Variants in SLC24A2 observed in about 807,000 individuals in gnomAD.
SLC24A2 encodes the protein solute carrier family 24 member 2, also known as sodium/potassium/calcium exchanger 2.
A neutral mutation model predicts 62.0 loss-of-function variants in SLC24A2; 36 were observed. The ratio of observed to expected loss-of-function variants is 0.58; its 90% CI spans 0.44 to 0.77. SLC24A2 has a LOEUF of 0.77. SLC24A2 is among the 30% of genes least tolerant of loss of function. The pLI, the probability that SLC24A2 is intolerant of heterozygous loss-of-function variation, is 0.00. For synonymous variants in SLC24A2, 358 were observed against 294.0 expected, an observed-to-expected ratio of 1.22 and a Z score of -2.23; for missense variants, 846 against 817.9, an observed-to-expected ratio of 1.03 and a Z score of -0.42.
At chr9:19,726,548 T>C (rs1189402027) in intron 2 of SLC24A2, among the ~76,000 whole-genome samples, 1 of 152,222 alleles carries the variant, frequency 6.6e-6, no homozygotes, top group East Asian at 1.9e-4. Flanking sequence ...GATTGGCTCC[T>C]GGAGACCTCA....
At chr9:19,957,569 C>T in the SLC24A2 span, 1 of 152,768 alleles carries the variant, frequency 6.5e-6, no homozygotes, top group Admixed American at 6.5e-5. Flanking sequence ...GCCCAGGTGA[C>T]AAAGCCTCCT....
the SLC24A2 span, among the ~76,000 whole-genome samples, chr9:19,799,516 G>A: frequency 6.6e-6 from 1 of 152,100 alleles, no homozygotes; most frequent in African/African-American, 2.4e-5. Flanking sequence ...GAGAGGAATG[G>A]GAGGTAAGGA....
the SLC24A2 span, among the ~76,000 whole-genome samples, chr9:20,190,555 C>A: frequency 1.3e-5 from 2 of 152,232 alleles, no homozygotes; most frequent in African/African-American, 4.8e-5. Flanking sequence ...GGAGAACATA[C>A]TCCTACTAGT....
At chr9:20,082,612 G>A in the SLC24A2 span, among the ~76,000 whole-genome samples, 8 of 152,286 alleles carry the variant, frequency 5.3e-5, no homozygotes, top group East Asian at 7.7e-4. Flanking sequence ...TGTCAGCAGC[G>A]TGAGATGTAA....
At chr9:20,296,239 C>T in the SLC24A2 span, among the ~76,000 whole-genome samples, 1 of 152,156 alleles carries the variant, frequency 6.6e-6, no homozygotes, top group Non-Finnish European at 1.5e-5. Context: ...CGAGTGTTTC[C>T]AAACTCAAAG....
chr9:19,721,710 A>C (rs1821029513), intron 2 of SLC24A2, among the ~76,000 whole-genome samples: 2 of 152,124 alleles, frequency 1.3e-5, no homozygotes, highest in African/African-American at 4.8e-5. Flanking sequence ...CTTTCTAATG[A>C]AACAGTTCTA....
chr9:20,090,598 A>G, the SLC24A2 span, among the ~76,000 whole-genome samples: 2 of 152,084 alleles, frequency 1.3e-5, no homozygotes, highest in East Asian at 3.9e-4. Flanking sequence ...AAATTACCTA[A>G]CACCCCCACC....
rs1359820 is a variant in SLC24A2 at position 19,732,586 on chromosome 9, T to C, written c.930+53351A>G. Among the ~76,000 whole-genome samples, 937 of 152,342 alleles carry C rather than the reference T, an allele frequency of 6.2e-3. 12 individuals carry two copies. Among genetic ancestry groups the C allele is most frequent in the African/African-American group, 0.022 (899 of 41,572 alleles). On this transcript the variant is annotated intron_variant, in intron 2 of 10. Transcript: ENST00000341998. ...ATCAAGCTAAGGAACATATGCAATG[T>C]CTTAATGAGGCTTTGGCAATGTCAG...
the SLC24A2 span, among the ~76,000 whole-genome samples, chr9:20,020,053 T>C: frequency 6.6e-6 from 1 of 152,146 alleles, no homozygotes; most frequent in Non-Finnish European, 1.5e-5. Context: ...ATGGCAATCA[T>C]TAAAAAGTCA....
the SLC24A2 span, among the ~76,000 whole-genome samples, chr9:19,854,818 G>C: frequency 6.6e-6 from 1 of 152,152 alleles, no homozygotes; most frequent in Non-Finnish European, 1.5e-5. Context: ...ACTTGATCCA[G>C]AGCTGAGCTC....
the SLC24A2 span, among the ~76,000 whole-genome samples, chr9:20,231,890 T>A: frequency 6.6e-6 from 1 of 152,214 alleles, no homozygotes. Context: ...ATAGCTCTTA[T>A]TATTTTGAGA....
the SLC24A2 span, among the ~76,000 whole-genome samples, chr9:20,031,885 C>G: frequency 6.6e-6 from 1 of 152,146 alleles, no homozygotes; most frequent in Non-Finnish European, 1.5e-5. Flanking sequence ...AGAAAAAGCC[C>G]AGATTTGTAG....
At chr9:20,155,202 G>C in the SLC24A2 span, among the ~76,000 whole-genome samples, 1 of 149,460 alleles carries the variant, frequency 6.7e-6, no homozygotes, top group South Asian at 2.1e-4. Context: ...AATTAACAAG[G>C]AGCATTGTAA....
the SLC24A2 span, among the ~76,000 whole-genome samples, chr9:20,299,297 G>A: frequency 6.6e-6 from 1 of 152,312 alleles, no homozygotes; most frequent in South Asian, 2.1e-4. Context: ...AGGCAACATA[G>A]CATGTGGGAA....
At chr9:19,676,481 C>T (rs1819563439) in intron 2 of SLC24A2, among the ~76,000 whole-genome samples, 4 of 152,306 alleles carry the variant, frequency 2.6e-5, no homozygotes, top group East Asian at 3.9e-4. Flanking sequence ...CCTGGCACTG[C>T]GGCAGCTGAC....
upstream of SLC24A2, among the ~76,000 whole-genome samples, chr9:19,790,722 A>G (rs910846725): frequency 6.6e-6 from 1 of 152,182 alleles, no homozygotes; most frequent in African/African-American, 2.4e-5. Context: ...CCTTTTCTAT[A>G]CAAATTGGAC....
At chr9:19,779,166 T>C (rs777967836) in intron 2 of SLC24A2, among the ~76,000 whole-genome samples, 2 of 152,156 alleles carry the variant, frequency 1.3e-5, no homozygotes, top group Non-Finnish European at 2.9e-5. Flanking sequence ...TAGTACAAGA[T>C]ACGTCTAACT....
At chr9:20,182,474 T>C in the SLC24A2 span, among the ~76,000 whole-genome samples, 3 of 152,224 alleles carry the variant, frequency 2.0e-5, no homozygotes, top group Non-Finnish European at 4.4e-5. Context: ...GATGAATTCA[T>C]GTCCTTTGCA....
chr9:20,237,871 G>C, the SLC24A2 span, among the ~76,000 whole-genome samples: 1 of 152,120 alleles, frequency 6.6e-6, no homozygotes, highest in African/African-American at 2.4e-5. Context: ...CATTTCCCTA[G>C]TGTTGAGTCA....
Sources: allele counts gnomAD v4.1 joint callset (sites outside exome capture counted in the v4.1 genomes callset), GRCh38; gene constraint gnomAD v4.1.1; transcripts MANE v1.5; gene names NCBI Gene and HGNC (gene_info 2026-07-23, HGNC 2026-07-21).